SOX5: variants seen among roughly 807,000 people sequenced by gnomAD.
SOX5 encodes SRY-box transcription factor 5, also known as transcription factor SOX-5.
SOX5 carries 9 observed loss-of-function variants against 92.0 expected under a neutral mutation model. The observed-to-expected ratio is 0.10, with a 90% CI of 0.06 to 0.17. The LOEUF is 0.17. Ranked by LOEUF, SOX5 falls within the 10% of genes least tolerant of loss-of-function variation. SOX5 has a pLI of 1.00. For missense variants in SOX5, 642 were observed against 944.5 expected, an observed-to-expected ratio of 0.68 and a Z score of 4.20; for synonymous variants, 344 against 336.3, an observed-to-expected ratio of 1.02 and a Z score of -0.25.
intron 2 of SOX5, among the ~76,000 whole-genome samples, chr12:24,346,518 A>G (rs1165621911): frequency 1.4e-5 from 2 of 147,402 alleles, no homozygotes; most frequent in Admixed American, 6.9e-5. Context: ...GTGGCGTGAT[A>G]TCAGCTCATT....
intron 4 of SOX5, among the ~76,000 whole-genome samples, chr12:24,191,851 G>A (rs375988081): frequency 6.6e-6 from 1 of 152,158 alleles, no homozygotes; most frequent in Admixed American, 6.5e-5. Flanking sequence ...ATTGGGAAGA[G>A]AACATTTCAG....
At chr12:23,706,223 A>G (rs980747325) in intron 6 of SOX5, among the ~76,000 whole-genome samples, 4 of 152,136 alleles carry the variant, frequency 2.6e-5, no homozygotes, top group South Asian at 2.1e-4. Flanking sequence ...AGTAGATAAA[A>G]GAGTACAAAT....
chr12:24,120,841 A>G (rs1318065539), intron 4 of SOX5, among the ~76,000 whole-genome samples: 1 of 152,180 alleles, frequency 6.6e-6, no homozygotes, highest in Non-Finnish European at 1.5e-5. Flanking sequence ...AACGTTGAAA[A>G]ACTGAGACAT....
intron 4 of SOX5, among the ~76,000 whole-genome samples, chr12:24,134,164 A>G (rs937420618): frequency 3.9e-5 from 6 of 152,204 alleles, no homozygotes; most frequent in Non-Finnish European, 7.3e-5. Flanking sequence ...GACAAACAAT[A>G]TATGATTTCA....
At chr12:23,589,379 T>C (rs1490950500) in intron 9 of SOX5, among the ~76,000 whole-genome samples, 1 of 151,952 alleles carries the variant, frequency 6.6e-6, no homozygotes, top group Non-Finnish European at 1.5e-5. Context: ...GGAGGTCCAC[T>C]CACTTAAAGA....
intron 2 of SOX5, among the ~76,000 whole-genome samples, chr12:24,311,192 C>T (rs895292331): frequency 1.3e-5 from 2 of 152,184 alleles, no homozygotes; most frequent in African/African-American, 4.8e-5. Context: ...ACAAACAGGA[C>T]TTGCTGTAGT....
intron 1 of SOX5, among the ~76,000 whole-genome samples, chr12:24,492,709 ATACT>A (rs1947214596): frequency 6.6e-6 from 1 of 152,182 alleles, no homozygotes; most frequent in Non-Finnish European, 1.5e-5. Context: ...TCTACAAGTG[ATACT>A]TACGTATTTT....
At chr12:24,350,372 AG>A (rs1230185934) in intron 2 of SOX5, among the ~76,000 whole-genome samples, 3 of 151,984 alleles carry the variant, frequency 2.0e-5, no homozygotes, top group Non-Finnish European at 4.4e-5. Context: ...GCCAGGATGG[AG>A]TGTGTCTTAC....
At chr12:24,043,505 T>C (rs1321387358) in intron 4 of SOX5, among the ~76,000 whole-genome samples, 1 of 152,206 alleles carries the variant, frequency 6.6e-6, no homozygotes, top group Non-Finnish European at 1.5e-5. Flanking sequence ...ATGGCAGAAC[T>C]GGGACAATCA....
At chr12:23,822,597 T>C (rs1353871239) in intron 3 of SOX5, among the ~76,000 whole-genome samples, 2 of 152,200 alleles carry the variant, frequency 1.3e-5, no homozygotes, top group East Asian at 3.9e-4. Context: ...TATATTCTGT[T>C]GATTTGGGGT....
chr12:24,376,683 G>C (rs1957292543), intron 1 of SOX5, among the ~76,000 whole-genome samples: 1 of 134,518 alleles, frequency 7.4e-6, no homozygotes, highest in African/African-American at 2.8e-5. Context: ...TGCTATGGGA[G>C]AGATACCTTT....
intron 13 of SOX5, among the ~76,000 whole-genome samples, chr12:23,540,095 TA>T (rs5797022): frequency 0.11 from 15,118 of 139,390 alleles, 847 homozygotes; most frequent in African/African-American, 0.14. Flanking sequence ...TAAACAACAA[TA>T]AAAAAAAAAA....
intron 4 of SOX5, among the ~76,000 whole-genome samples, chr12:23,976,490 A>T (rs1206679371): frequency 6.6e-6 from 1 of 151,902 alleles, no homozygotes; most frequent in Non-Finnish European, 1.5e-5. Context: ...AGAGCCCAAG[A>T]AACAAATCCA....
At chr12:23,753,457 CTG>C (rs781345257) in intron 4 of SOX5, among the ~76,000 whole-genome samples, 6 of 151,684 alleles carry the variant, frequency 4.0e-5, no homozygotes, top group Admixed American at 6.6e-5. Flanking sequence ...CACCAAGACT[CTG>C]TGAATACTGT....
At chr12:24,182,306 G>A (rs761402015) in intron 4 of SOX5, among the ~76,000 whole-genome samples, 14 of 152,050 alleles carry the variant, frequency 9.2e-5, no homozygotes, top group Non-Finnish European at 1.6e-4. Context: ...AAGCCAAGGG[G>A]GCCCATTTAT....
At chr12:24,265,177 C>G (rs1450198822) in intron 3 of SOX5, among the ~76,000 whole-genome samples, 4 of 152,070 alleles carry the variant, frequency 2.6e-5, no homozygotes, top group Non-Finnish European at 5.9e-5. Flanking sequence ...TAGATTTTCT[C>G]TAATTAAAAA....
intron 1 of SOX5, among the ~76,000 whole-genome samples, chr12:24,452,357 C>A (rs1035432345): frequency 1.3e-5 from 2 of 152,120 alleles, no homozygotes; most frequent in Non-Finnish European, 2.9e-5. Flanking sequence ...ACCTAATGTG[C>A]ACCTCCTTCC....
At chr12:23,915,471 G>A (rs1356214844) in intron 1 of SOX5, among the ~76,000 whole-genome samples, 2 of 152,062 alleles carry the variant, frequency 1.3e-5, no homozygotes, top group African/African-American at 2.4e-5. Context: ...GTGAAGCTAA[G>A]ATTTCTGAAT....
intron 8 of SOX5, among the ~76,000 whole-genome samples, chr12:23,609,031 T>G (rs1326534608): frequency 6.6e-6 from 1 of 152,092 alleles, no homozygotes; most frequent in Non-Finnish European, 1.5e-5. Flanking sequence ...CATCAGTGTG[T>G]TCAGGTATGT....
Sources: gnomAD v4.1 joint callset for allele counts (sites outside exome capture counted in the v4.1 genomes callset) on GRCh38, gnomAD v4.1.1 for gene constraint, MANE v1.5 for transcripts, NCBI Gene and HGNC (gene_info 2026-07-23, HGNC 2026-07-21) for gene names.